TSHZ3: variants seen among roughly 807,000 people sequenced by gnomAD.
The protein encoded by TSHZ3 is teashirt zinc finger homeobox 3.
TSHZ3 carries 10 observed loss-of-function variants against 64.5 expected under a neutral mutation model. The observed-to-expected ratio is 0.16, with a 90% CI of 0.10 to 0.26. TSHZ3 has a LOEUF of 0.26. TSHZ3 is among the 10% of genes least tolerant of loss of function. The probability of loss-of-function intolerance (pLI) is 1.00; values close to 1 mark genes in which losing one functional copy is unlikely to be tolerated. For synonymous variants in TSHZ3, 608 were observed against 593.1 expected, an observed-to-expected ratio of 1.03 and a Z score of -0.36; for missense variants, 1,242 against 1,421.7, an observed-to-expected ratio of 0.87 and a Z score of 2.03.
rs2145214720 is a variant in TSHZ3, at chr19:31,278,954, C to A, written c.839G>T (p.Cys280Phe). The stretch of plus-strand genomic sequence containing the variant: ...CTGCAGGGACTCAAAGGAGTGGCCA[C>A]AGTACATGCACTTCAGCACCTTCTG... ...DAQKVLKCMYCGHSFESLQDL... is the reference protein window; with the variant it reads ...DAQKVLKCMYFGHSFESLQDL... The change falls in exon 2 of 2, where the codon TGT (cysteine) becomes TTT (phenylalanine). Residue 280 changes from cysteine (C) to phenylalanine (F), a missense_variant. Cys to Phe is a radical substitution (Grantham distance 205, BLOSUM62 -2). Around this residue, in one of 4 missense-constraint regions of TSHZ3, gnomAD observed 555 missense variants for 704.0 expected, o/e 0.79. Transcript: ENST00000240587. The surrounding 1 kb of genome is among the most constrained non-coding windows in gnomAD (Gnocchi z 4.7). The A allele has an allele frequency of 6.2e-7, 1 of 1,614,210 alleles. No individual in the cohort carries two copies.
exon 7 of TSHZ3, among the ~76,000 whole-genome samples, chr19:31,150,899 C>T (rs1974229826): frequency 6.6e-6 from 1 of 152,112 alleles, no homozygotes. Flanking sequence ...GGAGCCTGCC[C>T]ATCTCAGCTT....
At chr19:31,218,041 G>A (rs565481563) in intron 4 of TSHZ3, among the ~76,000 whole-genome samples, 25 of 152,300 alleles carry the variant, frequency 1.6e-4, no homozygotes, top group Non-Finnish European at 3.2e-4. Flanking sequence ...AGAGAGAAAT[G>A]ATAAGCTGGA....
intron 1 of TSHZ3, among the ~76,000 whole-genome samples, chr19:31,256,480 GC>G (rs1975912824): frequency 6.6e-6 from 1 of 152,200 alleles, no homozygotes; most frequent in Non-Finnish European, 1.5e-5. Context: ...TGCCCAGAGG[GC>G]CTCGGGAGTG....
chr19:31,348,880 T>G (rs2021604057), intron 1 of TSHZ3: 1 of 349,578 alleles, frequency 2.9e-6, no homozygotes, highest in South Asian at 9.7e-5. Flanking sequence ...CAGGCCGGGG[T>G]TGCTTCCCAT....
At position 31,278,203 on chromosome 19, in the gene TSHZ3, C is replaced by G; in HGVS notation, c.1590G>C (p.Val530=). The part of the protein sequence containing the change: ...LDILKSLENT[V]TSAINKAQNG... ...TCTGGGCCTTGTTGATTGCGGATGT[C>G]ACTGTGTTTTCCAAGGATTTGAGGA... Residue 530 remains valine (V), a synonymous_variant, in exon 2 of 2, where the codon GTG becomes GTC. Coordinates refer to ENST00000240587, the MANE Select transcript of TSHZ3 (RefSeq NM_020856.4). This position sits in a 1 kb window ranked among gnomAD's most constrained non-coding sequence, Gnocchi z 4.7. The G allele has an allele frequency of 6.2e-7, 1 of 1,614,138 alleles. No homozygotes were observed. Among genetic ancestry groups the G allele is most frequent in the Non-Finnish European group, 8.5e-7 (1 of 1,180,014 alleles).
chr19:31,326,146 A>T (rs1916925066), intron 1 of TSHZ3, among the ~76,000 whole-genome samples: 1 of 152,226 alleles, frequency 6.6e-6, no homozygotes, highest in Admixed American at 6.5e-5. Flanking sequence ...CATGGAGTGT[A>T]AAGTGTGGAT....
intron 1 of TSHZ3, among the ~76,000 whole-genome samples, chr19:31,254,565 C>T (rs1054624079): frequency 3.9e-5 from 6 of 152,218 alleles, no homozygotes. Context: ...ACAATGGATG[C>T]ATTTCTGAGT....
At chr19:31,251,968 G>A (rs1568360057) in intron 1 of TSHZ3, among the ~76,000 whole-genome samples, 1 of 152,150 alleles carries the variant, frequency 6.6e-6, no homozygotes, top group African/African-American at 2.4e-5. Context: ...GGTTTCCCAG[G>A]GCTGGAAGTG....
chr19:31,156,967 C>T (rs888011567), intron 5 of TSHZ3, among the ~76,000 whole-genome samples: 3 of 152,140 alleles, frequency 2.0e-5, no homozygotes, highest in Non-Finnish European at 4.4e-5. Context: ...GTCCCTCATG[C>T]AGCAGCGATG....
chr19:31,229,052 A>G (rs1359309718), intron 3 of TSHZ3, among the ~76,000 whole-genome samples: 3 of 152,194 alleles, frequency 2.0e-5, no homozygotes. Flanking sequence ...GTTTTATAGA[A>G]GAAGATATGA....
intron 1 of TSHZ3, chr19:31,308,812 C>T (rs1916370108): frequency 2.5e-6 from 1 of 396,886 alleles, no homozygotes; most frequent in Non-Finnish European, 4.4e-6. Flanking sequence ...GAAGTGACTC[C>T]TACAGATGGG....
intron 1 of TSHZ3, among the ~76,000 whole-genome samples, chr19:31,302,656 A>G (rs1976774238): frequency 6.6e-6 from 1 of 152,258 alleles, no homozygotes; most frequent in Non-Finnish European, 1.5e-5. Flanking sequence ...CTACACACAT[A>G]CAAAAATAGA....
chr19:31,319,701 T>C (rs982938514), intron 1 of TSHZ3, among the ~76,000 whole-genome samples: 3 of 152,058 alleles, frequency 2.0e-5, no homozygotes, highest in African/African-American at 4.8e-5. Flanking sequence ...ATAACCACCA[T>C]GACAACGGTA....
At chr19:31,274,374 T>C (rs1976188713), downstream of TSHZ3, among the ~76,000 whole-genome samples, 1 of 152,070 alleles carries the variant, frequency 6.6e-6, no homozygotes, top group Admixed American at 6.6e-5. Context: ...CATGGATGGG[T>C]TCAGTCTCCT....
chr19:31,202,420 A>G (rs952814888), intron 5 of TSHZ3, among the ~76,000 whole-genome samples: 1 of 152,152 alleles, frequency 6.6e-6, no homozygotes, highest in African/African-American at 2.4e-5. Flanking sequence ...TTTAAATGTG[A>G]TATTCCAAGC....
At chr19:31,209,035 G>T (rs1196822296) in intron 4 of TSHZ3, among the ~76,000 whole-genome samples, 2 of 152,092 alleles carry the variant, frequency 1.3e-5, no homozygotes. Flanking sequence ...CCATGATTGA[G>T]GATCTCAAGA....
intron 1 of TSHZ3, among the ~76,000 whole-genome samples, chr19:31,340,355 A>AC (rs1555740486): frequency 2.0e-5 from 3 of 149,636 alleles, no homozygotes; most frequent in Non-Finnish European, 4.4e-5. Flanking sequence ...AAAAAAAAAA[A>AC]AAAAAAAAAC....
intron 4 of TSHZ3, among the ~76,000 whole-genome samples, chr19:31,214,145 G>A (rs1298683032): frequency 2.0e-5 from 3 of 152,140 alleles, no homozygotes; most frequent in Non-Finnish European, 4.4e-5. Context: ...GGTAAGTTTT[G>A]GCGCTTCCGG....
Position 31,279,818 on chromosome 19 carries a change from GAGAA to G in TSHZ3, c.41-70_41-67del, listed in dbSNP as rs1976330693. The G allele has an allele frequency of 7.3e-7, 1 of 1,363,020 alleles. No homozygotes were observed. Among genetic ancestry groups the G allele is most frequent in the Admixed American group, 2.7e-5 (1 of 37,644 alleles). 84.4% of individuals were successfully genotyped at this position (1,363,020 alleles called of 1,614,324 possible). ...GAATGAAGAGAGACAGGGAGAAGGAGAGAAAGAAAAAAAAAAGCATTAGTACTTG... is the reference window on the plus strand; with the variant it reads ...GAATGAAGAGAGACAGGGAGAAGGAGAGAAAAAAAAAAGCATTAGTACTTG... On this transcript the variant is annotated intron_variant, in intron 1 of 1. Transcript: ENST00000240587. This position sits in a 1 kb window ranked among gnomAD's most constrained non-coding sequence, Gnocchi z 6.4.
Sources: gnomAD v4.1 joint callset for allele counts (sites outside exome capture counted in the v4.1 genomes callset) on GRCh38, gnomAD v4.1.1 for gene constraint, gnomAD v4.1.1 regional missense constraint, Gnocchi (gnomAD v3.1) non-coding constraint, MANE v1.5 for transcripts, NCBI Gene and HGNC (gene_info 2026-07-23, HGNC 2026-07-21) for gene names.